The following PTPRM variants were observed in gnomAD, a reference collection of about 807,000 sequenced individuals.
The protein encoded by PTPRM is protein tyrosine phosphatase receptor type M, also known as receptor-type tyrosine-protein phosphatase mu.
PTPRM carries 47 observed loss-of-function variants against 186.7 expected under a neutral mutation model. The ratio of observed to expected loss-of-function variants is 0.25; its 90% confidence interval spans 0.20 to 0.32. PTPRM has a LOEUF of 0.32. Among genes scored for constraint, PTPRM ranks in the 10% least tolerant of loss-of-function variants. The pLI, the probability that PTPRM is intolerant of heterozygous loss-of-function variation, is 1.00. For synonymous variants in PTPRM, 668 were observed against 674.9 expected (o/e 0.99, Z 0.16); for missense variants, 1,494 against 1,865.0 (o/e 0.80, Z 3.66).
rs1017302479 is a variant in PTPRM at position 8,009,536 on chromosome 18, C to T, written c.1132+54122C>T. 3.3e-5 allele frequency among the ~76,000 whole-genome samples: 5 copies of T among 152,044 alleles called. No individual in the cohort carries two copies. In the South Asian group the frequency reaches 6.2e-4, roughly 19 times the overall value. On this transcript the variant is annotated intron_variant, in intron 7 of 32. Coordinates refer to ENST00000580170, the MANE Select transcript of PTPRM (RefSeq NM_001105244.2). Reference sequence around the variant, plus strand: ...CAGCCTGACCAATGTGGTGAGACCCCGTCTCTACTAAAAATACAAAAATTA... The same window carrying T: ...CAGCCTGACCAATGTGGTGAGACCCTGTCTCTACTAAAAATACAAAAATTA...
chr18:8,266,851 T>C (rs1280216740), intron 19 of PTPRM, among the ~76,000 whole-genome samples: 6 of 151,916 alleles, frequency 3.9e-5, no homozygotes. Flanking sequence ...GAGGTTGCAG[T>C]GAGCCGAGAT....
At chr18:7,955,030 A>G (rs2053221997) in intron 6 of PTPRM, 91 bp from the exon 7 acceptor site, 4 of 1,295,928 alleles carry the variant, frequency 3.1e-6, no homozygotes, top group Non-Finnish European at 4.2e-6. Context: ...AAATTTTATT[A>G]TCTTCTACAT....
intron 1 of PTPRM, among the ~76,000 whole-genome samples, chr18:7,599,754 G>A (rs2037352973): frequency 6.6e-6 from 1 of 152,164 alleles, no homozygotes; most frequent in Admixed American, 6.5e-5. Context: ...TTGAGGGAAA[G>A]CAAAGGCCTG....
At chr18:7,896,918 G>A (rs901252230) in intron 3 of PTPRM, among the ~76,000 whole-genome samples, 5 of 152,114 alleles carry the variant, frequency 3.3e-5, no homozygotes, top group African/African-American at 4.8e-5. Context: ...CAGCTAGCTC[G>A]GTGCCTGTTT....
intron 23 of PTPRM, among the ~76,000 whole-genome samples, chr18:8,356,980 C>T (rs954840000): frequency 6.6e-6 from 1 of 152,182 alleles, no homozygotes; most frequent in Non-Finnish European, 1.5e-5. Context: ...TGACGGGATC[C>T]ATTTGAATAA....
chr18:7,583,618 G>GA (rs1261176012), intron 1 of PTPRM, among the ~76,000 whole-genome samples: 1 of 152,186 alleles, frequency 6.6e-6, no homozygotes, highest in African/African-American at 2.4e-5. Flanking sequence ...AAATTAAAAG[G>GA]AAAAATACTT....
At chr18:7,712,860 T>C (rs1425364588) in intron 1 of PTPRM, among the ~76,000 whole-genome samples, 7 of 152,002 alleles carry the variant, frequency 4.6e-5, no homozygotes, top group Non-Finnish European at 4.4e-5. Flanking sequence ...CCAAGCAATA[T>C]GGGACTGTGT....
At chr18:7,975,647 C>T (rs1197648893) in intron 7 of PTPRM, among the ~76,000 whole-genome samples, 1 of 152,174 alleles carries the variant, frequency 6.6e-6, no homozygotes, top group African/African-American at 2.4e-5. Flanking sequence ...ACTGTAATTT[C>T]ATAGCTAATG....
chr18:7,936,140 C>T (rs975931581), intron 5 of PTPRM, among the ~76,000 whole-genome samples: 4 of 152,210 alleles, frequency 2.6e-5, no homozygotes, highest in Non-Finnish European at 5.9e-5. Context: ...GCCCCACCCA[C>T]TGCTGAGCTG....
At chr18:7,710,624 A>C (rs551712504) in intron 1 of PTPRM, among the ~76,000 whole-genome samples, 3 of 152,186 alleles carry the variant, frequency 2.0e-5, no homozygotes, top group Non-Finnish European at 4.4e-5. Flanking sequence ...TTGCTGATGA[A>C]ATGATTGTAT....
At chr18:8,020,245 A>G (rs1251472515) in intron 7 of PTPRM, among the ~76,000 whole-genome samples, 1 of 152,200 alleles carries the variant, frequency 6.6e-6, no homozygotes, top group Admixed American at 6.5e-5. Flanking sequence ...GGTCATCCGC[A>G]GTGCTCTGTC....
At chr18:7,802,999 C>T (rs925620288) in intron 2 of PTPRM, among the ~76,000 whole-genome samples, 2 of 152,078 alleles carry the variant, frequency 1.3e-5, no homozygotes, top group South Asian at 2.1e-4. Flanking sequence ...AGAGGGGAAC[C>T]TAACATGGGT....
intron 7 of PTPRM, among the ~76,000 whole-genome samples, chr18:7,993,286 G>GA (rs982096604): frequency 6.6e-6 from 1 of 151,816 alleles, no homozygotes; most frequent in East Asian, 1.9e-4. Context: ...AGAAGAGATA[G>GA]AAAAAAGCAT....
At chr18:7,964,506 G>T (rs1359826085) in intron 7 of PTPRM, among the ~76,000 whole-genome samples, 1 of 152,140 alleles carries the variant, frequency 6.6e-6, no homozygotes, top group Non-Finnish European at 1.5e-5. Context: ...TCATAATGCT[G>T]CTGGGAAAAT....
intron 1 of PTPRM, among the ~76,000 whole-genome samples, chr18:7,746,219 A>G (rs2040981940): frequency 6.8e-6 from 1 of 147,070 alleles, no homozygotes; most frequent in Admixed American, 6.9e-5. Context: ...AACCAAAGAC[A>G]AAGAGAAAAT....
chr18:7,915,066 A>G (rs866736752), intron 4 of PTPRM, among the ~76,000 whole-genome samples: 1 of 152,162 alleles, frequency 6.6e-6, no homozygotes, highest in East Asian at 1.9e-4. Flanking sequence ...AGAATCAATA[A>G]TAATGAAACA....
At chr18:7,919,386 A>G (rs2099477142) in intron 4 of PTPRM, among the ~76,000 whole-genome samples, 2 of 152,138 alleles carry the variant, frequency 1.3e-5, no homozygotes. Context: ...TTTGAGTAGT[A>G]TTGTCATTTT....
chr18:7,979,579 A>G lies in PTPRM; in HGVS notation c.1132+24165A>G, dbSNP rs543633245. Reference sequence around the variant, plus strand: ...CCTTCTTTTCCCAAAGATCGTGCAGAGCTCATAATATGTATTTGCATTACA... The same window carrying G: ...CCTTCTTTTCCCAAAGATCGTGCAGGGCTCATAATATGTATTTGCATTACA... On this transcript the variant is annotated intron_variant, in intron 7 of 32. Coordinates refer to ENST00000580170, the MANE Select transcript of PTPRM (RefSeq NM_001105244.2). Among the ~76,000 whole-genome samples the G allele has an allele frequency of 5.9e-4, 90 of 152,326 alleles. 1 individual carries two copies. The South Asian group carries it at 0.013, about 22-fold the overall frequency.
At chr18:8,018,274 C>T (rs1415397319) in intron 7 of PTPRM, among the ~76,000 whole-genome samples, 1 of 152,142 alleles carries the variant, frequency 6.6e-6, no homozygotes, top group Non-Finnish European at 1.5e-5. Flanking sequence ...GCCTGGGCAA[C>T]ATAGAGTTCA....
Sources: allele counts gnomAD v4.1 joint callset (sites outside exome capture counted in the v4.1 genomes callset), GRCh38; gene constraint gnomAD v4.1.1; transcripts MANE v1.5; gene names NCBI Gene and HGNC (gene_info 2026-07-23, HGNC 2026-07-21).